CPS1: variants seen among roughly 807,000 people sequenced by gnomAD.
The protein encoded by CPS1 is carbamoyl-phosphate synthase 1.
Under a neutral mutation model 174.6 loss-of-function variants are expected in CPS1, and 109 were observed. The ratio of observed to expected loss-of-function variants is 0.62; its 90% CI spans 0.53 to 0.73. CPS1 has a LOEUF of 0.73. Ranked by LOEUF, CPS1 falls within the 30% of genes least tolerant of loss-of-function variation. The pLI, the probability that CPS1 is intolerant of heterozygous loss-of-function variation, is 0.00. For synonymous variants in CPS1, 637 were observed against 632.0 expected (o/e 1.01, Z -0.12); for missense variants, 1,689 against 1,821.9 (o/e 0.93, Z 1.33).
intron 1 of CPS1, among the ~76,000 whole-genome samples, chr2:210,567,824 C>G (rs1422855833): frequency 6.6e-6 from 1 of 152,094 alleles, no homozygotes; most frequent in Non-Finnish European, 1.5e-5. Flanking sequence ...ATGAACTATA[C>G]CTATGTGAAA....
intron 13 of CPS1, among the ~76,000 whole-genome samples, chr2:210,598,449 G>T (rs1177314201): frequency 6.6e-6 from 1 of 151,734 alleles, no homozygotes; most frequent in Non-Finnish European, 1.5e-5. Context: ...CCAATGGTAT[G>T]CTGTCTTCAA....
intron 21 of CPS1, among the ~76,000 whole-genome samples, chr2:210,626,059 A>T (rs1640560274): frequency 6.6e-6 from 1 of 152,092 alleles, no homozygotes; most frequent in South Asian, 2.1e-4. Flanking sequence ...TTCATTAGGG[A>T]AAGTATCCAA....
At chr2:210,523,091 T>C (rs1383191050) in intron 1 of CPS1, among the ~76,000 whole-genome samples, 5 of 152,002 alleles carry the variant, frequency 3.3e-5, no homozygotes, top group Admixed American at 6.6e-5. Context: ...TAACTAGCTG[T>C]GAGATACTGG....
intron 31 of CPS1, among the ~76,000 whole-genome samples, chr2:210,659,852 C>A (rs1295590832): frequency 6.6e-6 from 1 of 152,072 alleles, no homozygotes; most frequent in Non-Finnish European, 1.5e-5. Flanking sequence ...ATTTGAGCAT[C>A]CTATGCTTGG....
At chr2:210,481,493 G>A (rs148171697) in intron 1 of CPS1, among the ~76,000 whole-genome samples, 147 of 152,276 alleles carry the variant, frequency 9.7e-4, no homozygotes, top group African/African-American at 3.2e-3. Flanking sequence ...CTCAGCCATG[G>A]AAAGATGATA....
intron 1 of CPS1, among the ~76,000 whole-genome samples, chr2:210,510,138 A>T (rs1160059983): frequency 1.3e-5 from 2 of 152,078 alleles, no homozygotes; most frequent in African/African-American, 2.4e-5. Context: ...ACTACAAGGC[A>T]ACAGTAACCC....
rs761912505 is a variant in CPS1, at chr2:210,579,699, A to AT, written c.472-8dup. On this transcript the variant is annotated splice_polypyrimidine_tract_variant and intron_variant, in intron 4 of 37. Transcript: ENST00000233072. ...CTCCTCCAATTTCACTGTCACTACA[A>AT]TTTTTTTCTTATAGGTTCCTGCAAT... 4 of 1,608,670 alleles carry AT rather than the reference A, an allele frequency of 2.5e-6. No individual in the cohort carries two copies. Among genetic ancestry groups the AT allele is most frequent in the Middle Eastern group, 3.3e-4 (2 of 6,052 alleles).
At chr2:210,479,021 C>A (rs951203656) in intron 1 of CPS1, among the ~76,000 whole-genome samples, 3 of 150,658 alleles carry the variant, frequency 2.0e-5, no homozygotes, top group African/African-American at 7.3e-5. Flanking sequence ...CTCCTTGGTT[C>A]TGATACAAAA....
intron 21 of CPS1, chr2:210,619,546 A>C (rs1699433755): frequency 6.6e-6 from 1 of 152,010 alleles, no homozygotes; most frequent in Non-Finnish European, 1.5e-5. Flanking sequence ...TCATTTTCAG[A>C]CTCACAATTT....
chr2:210,599,625 T>G lies in CPS1; in HGVS notation c.1549+64T>G. On this transcript the variant is annotated intron_variant, in intron 14 of 37. Coordinates refer to ENST00000233072, the MANE Select transcript of CPS1 (RefSeq NM_001875.5). ...TGCACTGCTGTGTAATGTATTTTAT[T>G]TGAGCTCATCTAACAATTGTGCTTT... 3.9e-6 allele frequency: 6 copies of G among 1,533,328 alleles called. No homozygotes were observed. The South Asian group carries it at 6.7e-5, about 17-fold the overall frequency. The allele number at this position is 1,533,328 out of a possible 1,614,324, so 95.0% of individuals were successfully genotyped here.
intron 5 of CPS1, among the ~76,000 whole-genome samples, chr2:210,580,980 A>G (rs1406951027): frequency 2.6e-5 from 4 of 152,130 alleles, no homozygotes; most frequent in Non-Finnish European, 5.9e-5. Flanking sequence ...GAAGGAAAAA[A>G]CAGCTTTGAA....
intron 30 of CPS1, 198 bp from the exon 31 acceptor site, chr2:210,658,396 ATTATT>A: frequency 3.8e-6 from 2 of 521,110 alleles, no homozygotes; most frequent in South Asian, 4.2e-5. Flanking sequence ...TTCTTTTCCT[ATTATT>A]TTGTGTGTAT....
In CPS1 at chr2:210,576,587, C is replaced by T. The variant is rs76079872; in HGVS notation, c.381+97C>T. ...GATGGCCAAACTTTCTTCCTCAATA[C>T]GGTAGTACAAATCATTAAGCTCATG... On this transcript the variant is annotated intron_variant, in intron 3 of 37. Transcript: ENST00000233072. 7.7e-4 allele frequency: 975 copies of T among 1,268,038 alleles called. 10 individuals are homozygous for T. The East Asian group carries it at 0.021, about 27-fold the overall frequency. The allele number at this position is 1,268,038 out of a possible 1,614,324, so 78.5% of individuals were successfully genotyped here. A position where few individuals can be genotyped will look rare whatever the true frequency, so the allele number is the denominator to read the frequency against.
intron 1 of CPS1, among the ~76,000 whole-genome samples, chr2:210,500,466 G>T (rs1167237854): frequency 6.6e-6 from 1 of 152,194 alleles, no homozygotes. Flanking sequence ...AGATACAGTG[G>T]AGGTACAGGC....
At chr2:210,645,516 C>G (rs1029891123) in intron 25 of CPS1, among the ~76,000 whole-genome samples, 1 of 152,014 alleles carries the variant, frequency 6.6e-6, no homozygotes, top group African/African-American at 2.4e-5. Flanking sequence ...GAGTTCAGGC[C>G]GGGGATGGTG....
At chr2:210,639,018 A>G in intron 22 of CPS1, 132 bp from the exon 23 acceptor site, 2 of 710,934 alleles carry the variant, frequency 2.8e-6, no homozygotes, top group South Asian at 1.7e-5. Context: ...TCCACGGGTC[A>G]TACATTTTCC....
At chr2:210,651,822 T>C (rs1034371733) in intron 28 of CPS1, among the ~76,000 whole-genome samples, 1 of 152,204 alleles carries the variant, frequency 6.6e-6, no homozygotes, top group Admixed American at 6.5e-5. Context: ...AATCTATGTA[T>C]GTATTCATTT....
At chr2:210,553,947 T>G (rs944600549), upstream of CPS1, among the ~76,000 whole-genome samples, 1 of 151,596 alleles carries the variant, frequency 6.6e-6, no homozygotes, top group African/African-American at 2.4e-5. Context: ...ACCTCCATTG[T>G]GGAATTATAA....
intron 27 of CPS1, 35 bp from the exon 28 acceptor site, chr2:210,650,328 A>G (rs1457286157): frequency 1.3e-5 from 21 of 1,565,842 alleles, no homozygotes; most frequent in Non-Finnish European, 1.8e-5. Context: ...TATTAGCATA[A>G]ACCTGACCTG....
Sources: gnomAD v4.1 joint callset for allele counts (sites outside exome capture counted in the v4.1 genomes callset) on GRCh38, gnomAD v4.1.1 for gene constraint, MANE v1.5 for transcripts, NCBI Gene and HGNC (gene_info 2026-07-23, HGNC 2026-07-21) for gene names.